FARP2: variants seen among roughly 807,000 people sequenced by gnomAD.
FARP2 encodes the protein FERM, ARHGEF and pleckstrin domain-containing protein 2.
In FARP2, 111 loss-of-function variants were observed where a neutral mutation model predicts 130.5. The ratio of observed to expected loss-of-function variants is 0.85; its 90% CI spans 0.73 to 1.00. The LOEUF is 1.00. FARP2 is among the 50% of genes least tolerant of loss of function. The pLI is 0.00. For missense variants in FARP2, 1,385 were observed against 1,346.3 expected (o/e 1.03, Z -0.45); for synonymous variants, 504 against 516.9 (o/e 0.98, Z 0.34).
At chr2:241,398,469 T>G (rs903085287) in intron 2 of FARP2, among the ~76,000 whole-genome samples, 2 of 152,238 alleles carry the variant, frequency 1.3e-5, no homozygotes, top group Non-Finnish European at 2.9e-5. Flanking sequence ...CTGGGTAGTA[T>G]TCCATTGTAA....
Position 241,404,859 on chromosome 2 carries a change from C to A in FARP2, c.331+18C>A, listed in dbSNP as rs769917754. On this transcript the variant is annotated intron_variant, in intron 4 of 26. Coordinates refer to ENST00000264042, the MANE Select transcript of FARP2 (RefSeq NM_014808.4). ...AATACGAAGTAAGTCCTTGGTTTGA[C>A]TCTTTAAAATCTGTTTGTTTAAGAT... The A allele has an allele frequency of 3.1e-6, 5 of 1,592,996 alleles. No individual in the cohort carries two copies. In the South Asian group the frequency reaches 5.5e-5, roughly 18 times the overall value.
chr2:241,377,383 G>A (rs1180208005), intron 2 of FARP2, among the ~76,000 whole-genome samples: 26 of 149,098 alleles, frequency 1.7e-4, no homozygotes, highest in African/African-American at 6.1e-4. Flanking sequence ...CGCCCAGGCC[G>A]GACTGCGGAC....
chr2:241,462,979 C>G (rs1323247572), intron 15 of FARP2, among the ~76,000 whole-genome samples: 1 of 152,152 alleles, frequency 6.6e-6, no homozygotes, highest in Non-Finnish European at 1.5e-5. Flanking sequence ...CAGGTATGAG[C>G]CACCGCCCAG....
intron 13 of FARP2, 58 bp from the exon 14 acceptor site, chr2:241,456,689 G>T: frequency 6.3e-7 from 1 of 1,584,414 alleles, no homozygotes; most frequent in Non-Finnish European, 8.7e-7. Flanking sequence ...GCGGCTCTAA[G>T]CCAGCCTCAC....
intron 7 of FARP2, 145 bp downstream of exon 7, chr2:241,413,566 C>A: frequency 1.6e-6 from 1 of 633,514 alleles, no homozygotes. Context: ...CAGCTGCTGC[C>A]AGAGGCAGCT....
At chr2:241,471,850 C>G (rs1053615730) in intron 18 of FARP2, among the ~76,000 whole-genome samples, 15 of 125,826 alleles carry the variant, frequency 1.2e-4, no homozygotes, top group African/African-American at 3.2e-4. Flanking sequence ...CTTGTGAGGA[C>G]GCTGTTCTGA....
chr2:241,493,541 C>T, intron 26 of FARP2, 97 bp downstream of exon 26: 2 of 1,169,538 alleles, frequency 1.7e-6, no homozygotes, highest in Non-Finnish European at 1.3e-6. Context: ...TTTCTGGGCC[C>T]TGGAAAGGAA....
Position 241,441,525 on chromosome 2 carries a change from C to T in FARP2, c.1380C>T (p.Pro460=). The change falls in exon 13 of 27, where the codon CCC becomes CCT. Residue 460 remains proline (P), a synonymous_variant. Coordinates refer to ENST00000264042, the MANE Select transcript of FARP2 (RefSeq NM_014808.4). ...AGGPDTPSAQ[P]LGPPALQPGP... ...GCCCCGACACACCATCGGCCCAGCC[C>T]CTCGGGCCCCCCGCACTCCAGCCTG... 5 of 1,614,100 alleles carry T rather than the reference C, an allele frequency of 3.1e-6. No homozygotes were observed. The highest frequency in any genetic ancestry group is 4.2e-6 in the Non-Finnish European group (5 of 1,180,034).
chr2:241,485,489 C>T (rs1026707402), intron 21 of FARP2, among the ~76,000 whole-genome samples: 6 of 149,952 alleles, frequency 4.0e-5, no homozygotes, highest in Non-Finnish European at 7.4e-5. Flanking sequence ...GCTTCTCCCT[C>T]CCTCCCTGAG....
Position 241,462,626 on chromosome 2 carries a change from T to C in FARP2, c.1677+14T>C, listed in dbSNP as rs2064053775. Reference sequence around the variant, plus strand: ...GTTATTACCGTGGTACGAAAGTCCTTGATTACTTTGATTTTTTTTTAAAAT... The same window carrying C: ...GTTATTACCGTGGTACGAAAGTCCTCGATTACTTTGATTTTTTTTTAAAAT... On this transcript the variant is annotated intron_variant, in intron 15 of 26. Transcript: ENST00000264042. 1.3e-6 allele frequency: 2 copies of C among 1,482,452 alleles called. No homozygotes were observed. Among genetic ancestry groups the C allele is most frequent in the Non-Finnish European group, 1.9e-6 (2 of 1,061,918 alleles). The allele number at this position is 1,482,452 out of a possible 1,614,324, so 91.8% of individuals were successfully genotyped here. A position where few individuals can be genotyped will look rare whatever the true frequency, so the allele number is the denominator to read the frequency against.
chr2:241,406,625 T>C (rs542940141), intron 4 of FARP2, among the ~76,000 whole-genome samples: 1 of 151,126 alleles, frequency 6.6e-6, no homozygotes, highest in African/African-American at 2.4e-5. Flanking sequence ...TTGGGGTTTT[T>C]TTGGGGGGGA....
chr2:241,387,718 G>A (rs376528628), intron 2 of FARP2, among the ~76,000 whole-genome samples: 10 of 151,418 alleles, frequency 6.6e-5, no homozygotes, highest in South Asian at 4.2e-4. Context: ...GCGTGAACCC[G>A]GGAGGCGGAG....
intron 2 of FARP2, among the ~76,000 whole-genome samples, chr2:241,388,758 A>G (rs899061111): frequency 6.6e-6 from 1 of 151,928 alleles, no homozygotes; most frequent in African/African-American, 2.4e-5. Flanking sequence ...AGCCCAGGAG[A>G]TCAAGGCTGC....
rs140476925 is a variant in FARP2, at chr2:241,456,580, A to T, written c.1412-167A>T. The T allele has an allele frequency of 2.6e-5, 17 of 650,830 alleles. No homozygotes were observed. In the Admixed American group the frequency reaches 4.0e-4, roughly 15 times the overall value. The allele number at this position is 650,830 out of a possible 1,614,324, so 40.3% of individuals were successfully genotyped here. ...TCAACCCTCATTTTCATTTTATGTC[A>T]TGTTTAGAATTGTGTGTGATAGAGG... On this transcript the variant is annotated intron_variant, in intron 13 of 26. Transcript: ENST00000264042.
intron 3 of FARP2, 72 bp downstream of exon 3, chr2:241,404,004 C>A: frequency 1.3e-6 from 1 of 772,708 alleles, no homozygotes; most frequent in South Asian, 1.5e-5. Context: ...GATCTTTCAT[C>A]ATTGCCACAT....
chr2:241,410,942 C>A, intron 5 of FARP2, 91 bp from the exon 6 acceptor site: 1 of 897,402 alleles, frequency 1.1e-6, no homozygotes, highest in Non-Finnish European at 1.8e-6. Flanking sequence ...CTTCCCAGGG[C>A]TCATTTGCTG....
chr2:241,483,574 G>A (rs1363737012), intron 20 of FARP2, 41 bp downstream of exon 20: 1 of 1,587,634 alleles, frequency 6.3e-7, no homozygotes, highest in Non-Finnish European at 8.7e-7. Context: ...CCCCCCGAGG[G>A]GGATGGGCAG....
chr2:241,466,150 G>A lies in FARP2; in HGVS notation c.1894-1990G>A, dbSNP rs62190406. 5.6e-5 allele frequency: 60 copies of A among 1,069,202 alleles called. No individual in the cohort carries two copies. In the East Asian group the frequency reaches 4.4e-3, roughly 78 times the overall value. 66.2% of individuals were successfully genotyped at this position (1,069,202 alleles called of 1,614,324 possible). Reference sequence around the variant, plus strand: ...ACAAAACCAAATCTGGGTGTCAGAGGCCAAGACCCCAGGTTGGGATCAGGG... The same window carrying A: ...ACAAAACCAAATCTGGGTGTCAGAGACCAAGACCCCAGGTTGGGATCAGGG... On this transcript the variant is annotated intron_variant, in intron 17 of 26. Coordinates refer to ENST00000264042, the MANE Select transcript of FARP2 (RefSeq NM_014808.4).
At chr2:241,490,106 C>A in intron 22 of FARP2, 62 bp downstream of exon 22, 1 of 1,199,422 alleles carries the variant, frequency 8.3e-7, no homozygotes, top group Admixed American at 1.7e-5. Flanking sequence ...GACTTCCTCG[C>A]CATGAGCCTC....
Sources: gnomAD v4.1 joint callset for allele counts (sites outside exome capture counted in the v4.1 genomes callset) on GRCh38, gnomAD v4.1.1 for gene constraint, MANE v1.5 for transcripts, NCBI Gene and HGNC (gene_info 2026-07-23, HGNC 2026-07-21) for gene names.